HSPA4: variants seen among roughly 807,000 people sequenced by gnomAD.
The protein encoded by HSPA4 is heat shock 70 kDa protein 4.
A neutral mutation model predicts 106.2 loss-of-function variants in HSPA4; 25 were observed. The ratio of observed to expected loss-of-function variants is 0.24; its 90% CI spans 0.17 to 0.33. HSPA4 has a LOEUF of 0.33. Among genes scored for constraint, HSPA4 ranks in the 10% least tolerant of loss-of-function variants. The pLI, the probability that HSPA4 is intolerant of heterozygous loss-of-function variation, is 1.00. For missense variants in HSPA4, 841 were observed against 996.0 expected (o/e 0.84, Z 2.10); for synonymous variants, 332 against 333.6 (o/e 1.00, Z 0.05).
rs747313526 is a variant in HSPA4, at chr5:133,092,824, T to G, written c.1650+35T>G. On this transcript the variant is annotated intron_variant, in intron 13 of 18. Transcript: ENST00000304858. ...GGGTGGTGTTTTTTTTTTTTTTTTT[T>G]TTTTTTTTTTTTTTGAGACAGAGTT... is the stretch of plus-strand genomic sequence containing the variant. 5 of 1,233,060 alleles carry G rather than the reference T, an allele frequency of 4.1e-6. No homozygotes were observed. The African/African-American group carries it at 7.0e-5, about 17-fold the overall frequency. The allele number at this position is 1,233,060 out of a possible 1,614,324, so 76.4% of individuals were successfully genotyped here.
At position 133,104,475 on chromosome 5, in the gene HSPA4, G is replaced by A. The variant is rs767749584; in HGVS notation, c.*39G>A. 1 of 1,553,620 alleles carries A rather than the reference G, an allele frequency of 6.4e-7. No individual in the cohort carries two copies. The highest frequency in any genetic ancestry group is 1.8e-5 in the Admixed American group (1 of 56,980). On this transcript the variant is annotated 3_prime_UTR_variant, in exon 19 of 19. Transcript: ENST00000304858. ...TTCTATTAAAACAGACTATTATAAA[G>A]CTTTAAGTTGTCAACTTTGTTCTAA...
Position 133,104,480 on chromosome 5 carries a change from A to G in HSPA4, c.*44A>G. 6.5e-7 allele frequency: 1 copy of G among 1,545,096 alleles called. No individual in the cohort carries two copies. The highest frequency in any genetic ancestry group is 2.3e-5 in the East Asian group (1 of 44,402). On this transcript the variant is annotated 3_prime_UTR_variant, in exon 19 of 19. Transcript: ENST00000304858. ...TTAAAACAGACTATTATAAAGCTTT[A>G]AGTTGTCAACTTTGTTCTAAATATC... is the stretch of plus-strand genomic sequence containing the variant.
intron 17 of HSPA4, among the ~76,000 whole-genome samples, chr5:133,102,947 A>G (rs1457070902): frequency 9.1e-6 from 1 of 110,190 alleles, no homozygotes; most frequent in South Asian, 2.6e-4. Context: ...GCATTTCACC[A>G]TGTTACCCAG....
intron 1 of HSPA4, among the ~76,000 whole-genome samples, chr5:133,061,498 G>A (rs1193849628): frequency 5.3e-5 from 8 of 151,936 alleles, no homozygotes; most frequent in Non-Finnish European, 8.8e-5. Context: ...TGTGACTTAC[G>A]GCTTATAAAA....
At position 133,096,095 on chromosome 5, in the gene HSPA4, T is replaced by C; in HGVS notation, c.1651-3T>C. 2 of 1,613,140 alleles carry C rather than the reference T, an allele frequency of 1.2e-6. No homozygotes were observed. Among genetic ancestry groups the C allele is most frequent in the South Asian group, 1.1e-5 (1 of 90,926 alleles). On this transcript the variant is annotated splice_region_variant and splice_polypyrimidine_tract_variant and intron_variant, in intron 13 of 18. Coordinates refer to ENST00000304858, the MANE Select transcript of HSPA4 (RefSeq NM_002154.4). ...TTGTTCTTAATGATTTCTATTGTTT[T>C]AGACCTCTCAAGCTGGATCCAAGGA...
chr5:133,103,296 A>C (rs1765812498), intron 17 of HSPA4, among the ~76,000 whole-genome samples: 1 of 151,018 alleles, frequency 6.6e-6, no homozygotes, highest in Admixed American at 6.6e-5. Context: ...AGCTTAAGCG[A>C]TCCTCCTGCC....
intron 7 of HSPA4, among the ~76,000 whole-genome samples, chr5:133,079,357 T>C (rs576468105): frequency 6.6e-6 from 1 of 152,340 alleles, no homozygotes; most frequent in African/African-American, 2.4e-5. Context: ...TGTGGATTTA[T>C]CTATTCTGGA....
At chr5:133,082,547 C>A (rs1408906279) in intron 7 of HSPA4, among the ~76,000 whole-genome samples, 1 of 152,134 alleles carries the variant, frequency 6.6e-6, no homozygotes, top group African/African-American at 2.4e-5. Context: ...CTCACTGCAG[C>A]CTCACTCTCT....
At chr5:133,082,575 C>T (rs546556779) in intron 7 of HSPA4, among the ~76,000 whole-genome samples, 4 of 152,230 alleles carry the variant, frequency 2.6e-5, no homozygotes, top group East Asian at 1.9e-4. Context: ...TAGAGATCCT[C>T]CCACCTCAGA....
chr5:133,092,820 T>A (rs761706028), intron 13 of HSPA4, 31 bp downstream of exon 13: 8 of 1,104,134 alleles, frequency 7.2e-6, no homozygotes, highest in Non-Finnish European at 8.9e-6. Flanking sequence ...TTTTTTTTTT[T>A]TTTTTTTTTT....
rs114826312 is a variant in HSPA4 at position 133,066,174 on chromosome 5, G to A, written c.165+1137G>A. 2.9e-3 allele frequency among the ~76,000 whole-genome samples: 440 copies of A among 152,302 alleles called. 2 individuals are homozygous for A. Among genetic ancestry groups the A allele is most frequent in the African/African-American group, 0.01 (426 of 41,564 alleles). The stretch of plus-strand genomic sequence containing the variant: ...AGACAGTTACTATACTAAACTGGCT[G>A]CCCAGTTCTAGGTTGATACAGTTAT... On this transcript the variant is annotated intron_variant, in intron 2 of 18. Transcript: ENST00000304858.
In HSPA4 at chr5:133,089,063, C is replaced by T; in HGVS notation, c.1146C>T (p.Ile382=). The part of the protein sequence containing the change: ...VTRGCALQCA[I]LSPAFKVREF... The stretch of plus-strand genomic sequence containing the variant: ...GAAAATTATTATTCTAGTGTGCCAT[C>T]TTATCGCCTGCTTTCAAAGTCAGAG... The change falls in exon 10 of 19, where the codon ATC becomes ATT. Residue 382 remains isoleucine, a synonymous_variant. Coordinates refer to ENST00000304858, the MANE Select transcript of HSPA4 (RefSeq NM_002154.4). 6.3e-7 allele frequency: 1 copy of T among 1,589,696 alleles called. No individual in the cohort carries two copies. The highest frequency in any genetic ancestry group is 8.6e-7 in the Non-Finnish European group (1 of 1,164,404).
intron 12 of HSPA4, among the ~76,000 whole-genome samples, chr5:133,091,988 G>A (rs1443014312): frequency 1.3e-5 from 2 of 152,220 alleles, no homozygotes; most frequent in South Asian, 2.1e-4. Context: ...GGTCAAGGCT[G>A]CAGTGAGTCC....
chr5:133,076,519 A>G, intron 6 of HSPA4, 135 bp from the exon 7 acceptor site: 1 of 702,968 alleles, frequency 1.4e-6, no homozygotes, highest in East Asian at 2.7e-5. Context: ...TAAATGATGT[A>G]TACATTGCTT....
chr5:133,077,336 C>T (rs1439414146), intron 7 of HSPA4, among the ~76,000 whole-genome samples: 1 of 152,160 alleles, frequency 6.6e-6, no homozygotes, highest in African/African-American at 2.4e-5. Flanking sequence ...CCCCCAGGTT[C>T]AAGCGATTCT....
chr5:133,088,050 A>C (rs75851862), intron 8 of HSPA4, among the ~76,000 whole-genome samples: 70 of 151,594 alleles, frequency 4.6e-4, no homozygotes, highest in Admixed American at 1.2e-3. Context: ...AGGCCCTCTT[A>C]TTTTCCTGAT....
intron 3 of HSPA4, among the ~76,000 whole-genome samples, chr5:133,069,639 GC>G (rs2126699684): frequency 6.6e-6 from 1 of 152,298 alleles, no homozygotes; most frequent in African/African-American, 2.4e-5. Context: ...TCAGACAAAT[GC>G]ATGTCCTCAT....
At chr5:133,088,287 C>A in intron 8 of HSPA4, 117 bp from the exon 9 acceptor site, 2 of 682,368 alleles carry the variant, frequency 2.9e-6, no homozygotes, top group Non-Finnish European at 5.1e-6. Context: ...GTGTGTGTTG[C>A]GGAGGTGGGT....
chr5:133,091,557 A>G (rs997225832), intron 12 of HSPA4, among the ~76,000 whole-genome samples, 183 bp downstream of exon 12: 12 of 152,312 alleles, frequency 7.9e-5, no homozygotes, highest in Admixed American at 7.2e-4. Context: ...CAGAATTTGT[A>G]TAGAAGTGGA....
Sources: allele counts gnomAD v4.1 joint callset (sites outside exome capture counted in the v4.1 genomes callset), GRCh38; gene constraint gnomAD v4.1.1; transcripts MANE v1.5; gene names NCBI Gene and HGNC (gene_info 2026-07-23, HGNC 2026-07-21).